The following TMEM71 variants were observed in gnomAD, a reference collection of about 807,000 sequenced individuals.
TMEM71 encodes the protein transmembrane protein 71.
TMEM71 carries 44 observed loss-of-function variants against 38.0 expected under a neutral mutation model. The ratio of observed to expected loss-of-function variants is 1.16; its 90% CI spans 0.91 to 1.49. The LOEUF is 1.49. TMEM71 is among the 40% of genes most tolerant of loss of function. The pLI, the probability that TMEM71 is intolerant of heterozygous loss-of-function variation, is 0.00. For synonymous variants in TMEM71, 133 were observed against 122.5 expected (o/e 1.09, Z -0.56); for missense variants, 367 against 348.6 (o/e 1.05, Z -0.42).
the TMEM71 span, chr8:132,775,602 G>T: frequency 2.9e-6 from 1 of 345,772 alleles, no homozygotes; most frequent in Non-Finnish European, 5.2e-6. Flanking sequence ...GCCCCAGCTC[G>T]GCCCCGGACG....
At chr8:132,755,424 T>C (rs1205985757) in intron 3 of TMEM71, among the ~76,000 whole-genome samples, 2 of 152,228 alleles carry the variant, frequency 1.3e-5, no homozygotes, top group Non-Finnish European at 2.9e-5. Context: ...TAGCAGGTCC[T>C]TTCCAATTGG....
intron 6 of TMEM71, among the ~76,000 whole-genome samples, 183 bp from the exon 7 acceptor site, chr8:132,722,298 G>C (rs1332829679): frequency 6.6e-6 from 1 of 151,912 alleles, no homozygotes; most frequent in Admixed American, 6.5e-5. Context: ...ATACAGGGCT[G>C]TCATTAGAAA....
chr8:132,771,775 GA>G, the TMEM71 span, among the ~76,000 whole-genome samples: 5 of 152,028 alleles, frequency 3.3e-5, no homozygotes, highest in South Asian at 2.1e-4. Flanking sequence ...TTAGAGAGGT[GA>G]AAAAAATGCT....
the TMEM71 span, among the ~76,000 whole-genome samples, chr8:132,772,194 T>C: frequency 6.6e-6 from 1 of 152,236 alleles, no homozygotes; most frequent in African/African-American, 2.4e-5. Flanking sequence ...AAAATAGGTA[T>C]ACATTTGTTA....
chr8:132,713,344 A>G (rs181554747), intron 9 of TMEM71, among the ~76,000 whole-genome samples: 8 of 152,244 alleles, frequency 5.3e-5, no homozygotes, highest in African/African-American at 1.9e-4. Context: ...AATTTTCACT[A>G]AACCCCATTG....
At chr8:132,708,349 C>T (rs1457773792), downstream of TMEM71, among the ~76,000 whole-genome samples, 2 of 152,220 alleles carry the variant, frequency 1.3e-5, no homozygotes, top group African/African-American at 2.4e-5. Context: ...GGCTCAAGAG[C>T]AACCATCTGG....
At chr8:132,761,700 G>A (rs1467488160), upstream of TMEM71, among the ~76,000 whole-genome samples, 1 of 152,120 alleles carries the variant, frequency 6.6e-6, no homozygotes, top group African/African-American at 2.4e-5. Context: ...CATGCTCCTT[G>A]TAAATAAAGT....
intron 5 of TMEM71, among the ~76,000 whole-genome samples, chr8:132,739,068 AT>A (rs1451362685): frequency 9.2e-5 from 14 of 152,298 alleles, no homozygotes; most frequent in South Asian, 2.1e-4. Context: ...TTAAAAAAAA[AT>A]GTTACGTGTG....
intron 5 of TMEM71, among the ~76,000 whole-genome samples, chr8:132,738,978 T>G (rs1827892703): frequency 6.6e-6 from 1 of 152,168 alleles, no homozygotes; most frequent in South Asian, 2.1e-4. Context: ...TAGTTATCAG[T>G]GGGCAAAGCT....
At chr8:132,727,646 C>A in intron 6 of TMEM71, 152 bp downstream of exon 6, 2 of 602,400 alleles carry the variant, frequency 3.3e-6, no homozygotes, top group Non-Finnish European at 5.7e-6. Context: ...TGCAAAGGGT[C>A]ACCTGGGCTT....
downstream of TMEM71, among the ~76,000 whole-genome samples, chr8:132,706,867 C>T (rs1362326940): frequency 1.3e-5 from 2 of 152,094 alleles, no homozygotes; most frequent in Non-Finnish European, 2.9e-5. Context: ...TCAGAAATGG[C>T]TGCTGACAAC....
intron 5 of TMEM71, among the ~76,000 whole-genome samples, chr8:132,745,107 T>C (rs1290654087): frequency 6.6e-6 from 1 of 152,172 alleles, no homozygotes. Flanking sequence ...ATTCTGGACA[T>C]CAGCCTTGGA....
In TMEM71 at chr8:132,710,201, T is replaced by G. The variant is rs891752725; in HGVS notation, c.*766A>C. On this transcript the variant is annotated 3_prime_UTR_variant, in exon 10 of 10. Transcript: ENST00000677595. ...TTGAGTCAAGGCTCAAGGGTACAACTGCACCATTTTCATGCATTTGAAAGC... is the reference window on the plus strand; with the variant it reads ...TTGAGTCAAGGCTCAAGGGTACAACGGCACCATTTTCATGCATTTGAAAGC... 2 of 152,108 alleles carry G rather than the reference T, an allele frequency of 1.3e-5. No individual in the cohort carries two copies. Among genetic ancestry groups the G allele is most frequent in the Non-Finnish European group, 2.9e-5 (2 of 68,054 alleles). The allele number at this position is 152,108 out of a possible 1,614,324, so 9.4% of individuals were successfully genotyped here. A position where few individuals can be genotyped will look rare whatever the true frequency, so the allele number is the denominator to read the frequency against.
intron 5 of TMEM71, among the ~76,000 whole-genome samples, chr8:132,741,093 A>G (rs4736605): frequency 0.66 from 99,936 of 151,898 alleles, 34,329 homozygotes; most frequent in South Asian, 0.79. Context: ...GGCTGGGCAC[A>G]GTGGCTCACA....
intron 7 of TMEM71, among the ~76,000 whole-genome samples, chr8:132,720,604 A>T (rs924960595): frequency 6.6e-6 from 1 of 152,194 alleles, no homozygotes; most frequent in East Asian, 1.9e-4. Flanking sequence ...AATGTTTTGC[A>T]AACCTCATAA....
intron 3 of TMEM71, among the ~76,000 whole-genome samples, chr8:132,752,569 TA>T (rs1186256798): frequency 2.6e-5 from 4 of 152,018 alleles, no homozygotes; most frequent in Non-Finnish European, 4.4e-5. Context: ...GTCTTAGTTT[TA>T]AAAAGCAATC....
At chr8:132,718,268 T>C (rs939852454) in intron 7 of TMEM71, among the ~76,000 whole-genome samples, 5 of 152,170 alleles carry the variant, frequency 3.3e-5, no homozygotes, top group East Asian at 3.8e-4. Flanking sequence ...TTTTTTAAAA[T>C]GCAATGAATA....
intron 5 of TMEM71, among the ~76,000 whole-genome samples, chr8:132,733,452 A>G (rs947426556): frequency 6.6e-6 from 1 of 152,196 alleles, no homozygotes; most frequent in Non-Finnish European, 1.5e-5. Context: ...CGACTTCAAG[A>G]GAGGAGAATA....
At chr8:132,717,564 T>A (rs1826601967) in intron 7 of TMEM71, among the ~76,000 whole-genome samples, 1 of 152,190 alleles carries the variant, frequency 6.6e-6, no homozygotes, top group East Asian at 1.9e-4. Context: ...CCCACCAGGA[T>A]GGCTCTAGTC....
Sources: allele counts gnomAD v4.1 joint callset (sites outside exome capture counted in the v4.1 genomes callset), GRCh38; gene constraint gnomAD v4.1.1; transcripts MANE v1.5; gene names NCBI Gene and HGNC (gene_info 2026-07-23, HGNC 2026-07-21).